Variants in NUP210L observed in about 807,000 individuals in gnomAD.
NUP210L encodes the protein nuclear pore membrane glycoprotein 210-like.
In NUP210L, 74 loss-of-function variants were observed where a neutral mutation model predicts 208.5. That is an observed-to-expected ratio of 0.35 (90% CI 0.29 to 0.43). The LOEUF (loss-of-function observed/expected upper bound fraction) is 0.43, where lower values mean the gene tolerates loss of function less well. NUP210L is among the 20% of genes least tolerant of loss of function. NUP210L has a pLI of 1.00. For missense variants in NUP210L, 1,843 were observed against 2,289.4 expected (o/e 0.81, Z 3.98); for synonymous variants, 780 against 816.9 (o/e 0.95, Z 0.77).
intron 35 of NUP210L, among the ~76,000 whole-genome samples, chr1:154,006,911 C>T (rs1221702329): frequency 7.5e-6 from 1 of 132,514 alleles, no homozygotes; most frequent in Non-Finnish European, 1.6e-5. Context: ...TATATATACA[C>T]ATATACACAT....
intron 30 of NUP210L, 29 bp from the exon 31 acceptor site, chr1:154,023,326 A>T (rs1651674618): frequency 1.3e-6 from 2 of 1,565,896 alleles, no homozygotes; most frequent in Non-Finnish European, 1.7e-6. Flanking sequence ...ACTGGTACAG[A>T]GAAAGATGCA....
intron 38 of NUP210L, among the ~76,000 whole-genome samples, chr1:153,993,839 A>C (rs906438411): frequency 6.6e-6 from 1 of 152,190 alleles, no homozygotes; most frequent in South Asian, 2.1e-4. Context: ...TGGAGGTTGC[A>C]GTGAGCCAAG....
At chr1:154,146,252 A>G (rs1422662956) in intron 2 of NUP210L, among the ~76,000 whole-genome samples, 1 of 152,180 alleles carries the variant, frequency 6.6e-6, no homozygotes, top group East Asian at 1.9e-4. Flanking sequence ...ATAAATTATA[A>G]CATTGAAATA....
chr1:154,054,374 T>G (rs775468066), exon 25 of NUP210L: 20 of 1,614,210 alleles, frequency 1.2e-5, no homozygotes, highest in Non-Finnish European at 1.7e-5. Flanking sequence ...AAGTGAACGA[T>G]GGATTGGGGC....
chr1:154,059,489 A>G (rs529066524), intron 20 of NUP210L, among the ~76,000 whole-genome samples: 1 of 152,270 alleles, frequency 6.6e-6, no homozygotes, highest in Non-Finnish European at 1.5e-5. Context: ...GTGAGACCCT[A>G]TTTCTACTGA....
intron 13 of NUP210L, among the ~76,000 whole-genome samples, chr1:154,101,113 C>T (rs552700464): frequency 3.2e-4 from 46 of 141,572 alleles, no homozygotes; most frequent in Non-Finnish European, 6.0e-4. Flanking sequence ...CAGAGGTTGC[C>T]GTGAGCCGAG....
chr1:154,089,360 C>T, intron 16 of NUP210L, 61 bp downstream of exon 16: 1 of 1,394,834 alleles, frequency 7.2e-7, no homozygotes, highest in Non-Finnish European at 1.0e-6. Context: ...ATTCCAGACT[C>T]TATCTCTAAA....
At chr1:154,082,200 T>C (rs541010146) in intron 16 of NUP210L, among the ~76,000 whole-genome samples, 2 of 152,194 alleles carry the variant, frequency 1.3e-5, no homozygotes, top group Non-Finnish European at 1.5e-5. Context: ...ATTACCAAAC[T>C]TGTTGGTCAT....
intron 33 of NUP210L, among the ~76,000 whole-genome samples, chr1:154,015,000 T>C (rs1303626455): frequency 1.3e-5 from 2 of 152,134 alleles, no homozygotes; most frequent in Non-Finnish European, 2.9e-5. Context: ...TGAGATTCTG[T>C]TATAAAAATA....
chr1:154,011,306 C>T (rs554889628), intron 34 of NUP210L, among the ~76,000 whole-genome samples: 2 of 151,172 alleles, frequency 1.3e-5, no homozygotes, highest in East Asian at 3.9e-4. Context: ...TCACTGCAAC[C>T]TCTGTCTCCT....
At chr1:154,044,356 G>A (rs571438326) in intron 27 of NUP210L, among the ~76,000 whole-genome samples, 2 of 150,794 alleles carry the variant, frequency 1.3e-5, no homozygotes, top group African/African-American at 2.4e-5. Context: ...GCAGTGAGCC[G>A]AGATCGTACC....
intron 10 of NUP210L, among the ~76,000 whole-genome samples, chr1:154,121,031 T>C (rs1203592710): frequency 2.0e-5 from 3 of 152,080 alleles, no homozygotes; most frequent in Non-Finnish European, 2.9e-5. Context: ...TCTTCAAGGA[T>C]AGTCAGAGAA....
chr1:154,079,097 C>CA (rs1395286618), intron 16 of NUP210L, among the ~76,000 whole-genome samples: 2 of 151,656 alleles, frequency 1.3e-5, no homozygotes, highest in Non-Finnish European at 2.9e-5. Context: ...CCAGCCTGGG[C>CA]AAAAAATAAA....
At chr1:154,142,946 T>C (rs888351796) in intron 3 of NUP210L, among the ~76,000 whole-genome samples, 6 of 151,252 alleles carry the variant, frequency 4.0e-5, no homozygotes, top group Non-Finnish European at 8.8e-5. Flanking sequence ...CCCAGCACTT[T>C]GGGAGGCCAA....
At chr1:153,999,818 C>T (rs1192395042) in intron 37 of NUP210L, among the ~76,000 whole-genome samples, 1 of 145,284 alleles carries the variant, frequency 6.9e-6, no homozygotes, top group African/African-American at 2.5e-5. Flanking sequence ...AAACTGACAA[C>T]TATTCTTTTT....
At chr1:154,154,080 A>C (rs1397401476) in intron 1 of NUP210L, among the ~76,000 whole-genome samples, 1 of 152,180 alleles carries the variant, frequency 6.6e-6, no homozygotes, top group Non-Finnish European at 1.5e-5. Flanking sequence ...ATCTTCAGTC[A>C]GGAAGTCATT....
chr1:153,995,135 T>A (rs1446901834), exon 38 of NUP210L: 1 of 1,614,016 alleles, frequency 6.2e-7, no homozygotes, highest in South Asian at 1.1e-5. Context: ...CAGGATCTGG[T>A]AAGAGCCAGT....
chr1:153,993,280 A>G (rs1000853023), intron 38 of NUP210L, among the ~76,000 whole-genome samples, 191 bp from the exon 39 acceptor site: 1 of 152,118 alleles, frequency 6.6e-6, no homozygotes, highest in African/African-American at 2.4e-5. Flanking sequence ...TGAAAGGGGG[A>G]AAATGGCCGG....
chr1:154,068,969 G>A (rs1654557727), intron 17 of NUP210L, among the ~76,000 whole-genome samples: 1 of 151,732 alleles, frequency 6.6e-6, no homozygotes, highest in African/African-American at 2.4e-5. Context: ...AAAACTTAAA[G>A]TATAATAATA....
Sources: gnomAD v4.1 joint callset for allele counts (sites outside exome capture counted in the v4.1 genomes callset) on GRCh38, gnomAD v4.1.1 for gene constraint, MANE v1.5 for transcripts, NCBI Gene and HGNC (gene_info 2026-07-23, HGNC 2026-07-21) for gene names.